RNF150: variants seen among roughly 807,000 people sequenced by gnomAD.
RNF150 encodes the protein ring finger protein 150.
Under a neutral mutation model 39.3 loss-of-function variants are expected in RNF150, and 24 were observed. The observed-to-expected ratio is 0.61, with a 90% CI of 0.44 to 0.86. The LOEUF is 0.86. Among genes scored for constraint, RNF150 ranks in the 40% least tolerant of loss-of-function variants. The pLI is 0.00. For synonymous variants in RNF150, 255 were observed against 227.3 expected (o/e 1.12, Z -1.10); for missense variants, 502 against 587.8 (o/e 0.85, Z 1.51).
At chr4:141,078,912 TAC>T (rs199552602) in intron 1 of RNF150, among the ~76,000 whole-genome samples, 1,514 of 146,486 alleles carry the variant, frequency 0.01, 31 homozygotes, top group African/African-American at 0.038. Context: ...CATACATATA[TAC>T]ACATATATAT....
At chr4:140,961,413 G>A (rs1487621888) in intron 2 of RNF150, among the ~76,000 whole-genome samples, 1 of 152,100 alleles carries the variant, frequency 6.6e-6, no homozygotes, top group Non-Finnish European at 1.5e-5. Flanking sequence ...TCATATACCT[G>A]AATGGCTGGA....
chr4:141,169,182 T>G (rs1020277736), intron 1 of RNF150, among the ~76,000 whole-genome samples: 15 of 152,226 alleles, frequency 9.9e-5, no homozygotes, highest in African/African-American at 3.6e-4. Flanking sequence ...TGGTACTGTA[T>G]AGCGTGTGAG....
exon 1 of RNF150, chr4:141,133,468 ATGTT>A (rs960199219): frequency 1.3e-5 from 2 of 148,266 alleles, no homozygotes; most frequent in Non-Finnish European, 2.8e-5. Context: ...GTGTGTCTGT[ATGTT>A]TGTGTGTGTG....
At chr4:141,050,587 C>G (rs1454531362) in intron 1 of RNF150, among the ~76,000 whole-genome samples, 1 of 152,140 alleles carries the variant, frequency 6.6e-6, no homozygotes, top group East Asian at 1.9e-4. Context: ...CTACAGACCC[C>G]ATGCAAGTCT....
intron 6 of RNF150, among the ~76,000 whole-genome samples, chr4:140,878,589 A>G (rs1186182025): frequency 1.3e-5 from 2 of 151,938 alleles, no homozygotes; most frequent in African/African-American, 4.8e-5. Flanking sequence ...TCCTTTGCCT[A>G]TTTTTCAATA....
chr4:141,147,826 T>C (rs948821429), intron 1 of RNF150, among the ~76,000 whole-genome samples: 4 of 152,060 alleles, frequency 2.6e-5, no homozygotes, highest in Non-Finnish European at 5.9e-5. Flanking sequence ...AATTTTTTCT[T>C]CCAATCTCAT....
At chr4:141,130,300 G>C (rs1384486158) in intron 1 of RNF150, among the ~76,000 whole-genome samples, 1 of 152,228 alleles carries the variant, frequency 6.6e-6, no homozygotes, top group East Asian at 1.9e-4. Context: ...GAAGTGAACA[G>C]AGTCTCCTAA....
chr4:141,091,110 G>A (rs1172289270), intron 1 of RNF150, among the ~76,000 whole-genome samples: 3 of 152,186 alleles, frequency 2.0e-5, no homozygotes, highest in African/African-American at 7.2e-5. Flanking sequence ...AGTTTCTGGA[G>A]TCAGGGAGAA....
At chr4:141,128,698 A>C (rs1465698278) in intron 1 of RNF150, among the ~76,000 whole-genome samples, 1 of 152,098 alleles carries the variant, frequency 6.6e-6, no homozygotes, top group Non-Finnish European at 1.5e-5. Flanking sequence ...GGACATATAA[A>C]TCTCTGGTCC....
At chr4:141,133,493 T>C (rs1560754807), upstream of RNF150, 1 of 153,470 alleles carries the variant, frequency 6.5e-6, no homozygotes, top group Non-Finnish European at 1.4e-5. Context: ...TGTGTGTGTG[T>C]GTATAATGTG....
intron 2 of RNF150, among the ~76,000 whole-genome samples, chr4:140,962,794 C>T (rs1733092996): frequency 6.6e-6 from 1 of 151,882 alleles, no homozygotes; most frequent in South Asian, 2.1e-4. Context: ...AAGGTACATT[C>T]CATTTAGTTT....
At chr4:140,997,212 A>C (rs1734406916) in intron 1 of RNF150, among the ~76,000 whole-genome samples, 1 of 152,256 alleles carries the variant, frequency 6.6e-6, no homozygotes, top group Admixed American at 6.5e-5. Context: ...ATATGTGAGA[A>C]AACTATAATT....
At chr4:141,042,432 G>A (rs1490700522) in intron 1 of RNF150, among the ~76,000 whole-genome samples, 2 of 151,964 alleles carry the variant, frequency 1.3e-5, no homozygotes, top group Admixed American at 1.3e-4. Flanking sequence ...TTCAAAAGCT[G>A]GCTACATTCT....
At chr4:140,874,303 C>T (rs1434512106) in intron 6 of RNF150, among the ~76,000 whole-genome samples, 1 of 152,126 alleles carries the variant, frequency 6.6e-6, no homozygotes, top group East Asian at 1.9e-4. Flanking sequence ...CCTGAGAAGA[C>T]AAGACTCTGA....
At position 140,958,050 on chromosome 4, in the gene RNF150, AAAAAATAAC is replaced by A. The variant is rs1294067666; in HGVS notation, c.736-8687_736-8679del. On this transcript the variant is annotated intron_variant, in intron 2 of 6. Transcript: ENST00000515673. ...CTAAAACTTAAAGTATAATAATTTA[AAAAAATAAC>A]AAAAATAATATAAATAAAAAACACA... 2.2e-4 allele frequency among the ~76,000 whole-genome samples: 33 copies of A among 152,296 alleles called. No individual in the cohort carries two copies. In the South Asian group the frequency reaches 6.6e-3, roughly 31 times the overall value.
intron 2 of RNF150, among the ~76,000 whole-genome samples, chr4:140,966,743 T>A (rs1395026577): frequency 6.6e-6 from 1 of 152,166 alleles, no homozygotes; most frequent in Non-Finnish European, 1.5e-5. Flanking sequence ...AAAGTGTAAA[T>A]TGGTTCAACA....
At chr4:141,183,035 G>C (rs1727938752) in intron 1 of RNF150, among the ~76,000 whole-genome samples, 1 of 152,144 alleles carries the variant, frequency 6.6e-6, no homozygotes, top group South Asian at 2.1e-4. Context: ...GGGTCTTAAT[G>C]TGTTGATTAT....
At chr4:141,098,723 C>T (rs536442228) in intron 1 of RNF150, among the ~76,000 whole-genome samples, 3 of 152,310 alleles carry the variant, frequency 2.0e-5, no homozygotes, top group East Asian at 3.9e-4. Context: ...TTCTCCAAAG[C>T]TGCTGTTCTT....
upstream of RNF150, among the ~76,000 whole-genome samples, chr4:141,133,962 C>T (rs1378129500): frequency 1.3e-5 from 2 of 152,162 alleles, no homozygotes; most frequent in Non-Finnish European, 2.9e-5. Flanking sequence ...AACAAGTTCC[C>T]AGGTGGTGCT....
Sources: gnomAD v4.1 joint callset for allele counts (sites outside exome capture counted in the v4.1 genomes callset) on GRCh38, gnomAD v4.1.1 for gene constraint, MANE v1.5 for transcripts, NCBI Gene and HGNC (gene_info 2026-07-23, HGNC 2026-07-21) for gene names.